Variants in MAP3K20 observed in about 807,000 individuals in gnomAD.
MAP3K20 encodes HCCS-4.
A neutral mutation model predicts 85.7 loss-of-function variants in MAP3K20; 40 were observed. The observed-to-expected ratio is 0.47, with a 90% CI of 0.36 to 0.61. The LOEUF is 0.61. Ranked by LOEUF, MAP3K20 falls within the 20% of genes least tolerant of loss-of-function variation. The pLI, the probability that MAP3K20 is intolerant of heterozygous loss-of-function variation, is 0.00. For missense variants in MAP3K20, 817 were observed against 961.7 expected (o/e 0.85, Z 1.99); for synonymous variants, 325 against 327.7 (o/e 0.99, Z 0.09).
intron 16 of MAP3K20, among the ~76,000 whole-genome samples, chr2:173,253,934 G>A (rs1365046531): frequency 6.6e-6 from 1 of 152,048 alleles, no homozygotes; most frequent in Non-Finnish European, 1.5e-5. Context: ...AGCCGGGCAT[G>A]GTGACACACG....
At chr2:173,092,787 C>T (rs920809437) in intron 2 of MAP3K20, among the ~76,000 whole-genome samples, 2 of 152,120 alleles carry the variant, frequency 1.3e-5, no homozygotes, top group Non-Finnish European at 2.9e-5. Flanking sequence ...TCACTCCACT[C>T]CCCCCTCCCC....
chr2:173,148,045 G>T (rs182753652), intron 2 of MAP3K20, among the ~76,000 whole-genome samples: 52 of 152,150 alleles, frequency 3.4e-4, no homozygotes, highest in Non-Finnish European at 4.9e-4. Context: ...TCCATAAGTG[G>T]CCTCACAGAA....
chr2:173,145,170 C>T (rs1689102440), intron 2 of MAP3K20, among the ~76,000 whole-genome samples: 1 of 151,720 alleles, frequency 6.6e-6, no homozygotes, highest in Admixed American at 6.6e-5. Context: ...CTTTGATAGC[C>T]AGATATTCCT....
At chr2:173,090,715 T>G (rs1420833787) in intron 1 of MAP3K20, 2 of 1,031,808 alleles carry the variant, frequency 1.9e-6, no homozygotes, top group Non-Finnish European at 2.3e-6. Flanking sequence ...CTCCTTGGGA[T>G]GAGTAGGAAG....
chr2:173,210,684 T>C (rs1683861504), intron 10 of MAP3K20: 1 of 152,252 alleles, frequency 6.6e-6, no homozygotes, highest in South Asian at 2.1e-4. Context: ...AAATAGCATG[T>C]TTGGAAGCTG....
In MAP3K20 at chr2:173,217,144, TA is replaced by T; in HGVS notation, c.884del (p.Lys295ArgfsTer3). 6.3e-7 allele frequency: 1 copy of T among 1,589,710 alleles called. No homozygotes were observed. The highest frequency in any genetic ancestry group is 1.2e-5 in the South Asian group (1 of 86,726). On this transcript the variant is annotated frameshift_variant, in exon 11 of 20. Coordinates refer to ENST00000375213, the MANE Select transcript of MAP3K20 (RefSeq NM_016653.3). LOFTEE classifies it high-confidence loss of function. The part of the protein sequence containing the change: ...RCEIEATLER[L>X]KKLERDLSFK... The stretch of plus-strand genomic sequence containing the variant: ...GAAATTGAGGCAACTCTTGAGAGGC[TA>T]AAGAAACTAGAGCGTGATCTCAGCT...
rs745702430 is a variant in MAP3K20 at position 173,232,446 on chromosome 2, T to A, written c.1190T>A (p.Ile397Asn). The stretch of plus-strand genomic sequence containing the variant: ...ATGGGCATTGTCTCCAAGGGGCATA[T>A]CATTCACTTCAAGGTACCTGAGAAA... ...KDMGIVSKGH[I>N]IHFKSAIEKL... Residue 397 changes from isoleucine (I) to asparagine (N), a missense_variant, in exon 14 of 20, where the codon ATC becomes AAC. Ile to Asn is a moderately radical substitution (Grantham distance 149, BLOSUM62 -3). Around this residue, in one of 4 missense-constraint regions of MAP3K20, gnomAD observed 5 missense variants for 20.0 expected, o/e 0.25. Coordinates refer to ENST00000375213, the MANE Select transcript of MAP3K20 (RefSeq NM_016653.3). The A allele has an allele frequency of 8.9e-5, 143 of 1,613,886 alleles. No individual in the cohort carries two copies. Among genetic ancestry groups the A allele is most frequent in the Non-Finnish European group, 1.2e-4 (138 of 1,180,004 alleles).
chr2:173,077,658 T>C (rs559753892), intron 1 of MAP3K20, among the ~76,000 whole-genome samples: 1 of 152,200 alleles, frequency 6.6e-6, no homozygotes, highest in African/African-American at 2.4e-5. Flanking sequence ...TAAAAAAATT[T>C]AGTGATAATA....
At chr2:173,262,158 C>T (rs537904477) in intron 18 of MAP3K20, among the ~76,000 whole-genome samples, 2 of 152,274 alleles carry the variant, frequency 1.3e-5, no homozygotes, top group African/African-American at 4.8e-5. Flanking sequence ...TGTTTTCTGA[C>T]TATAAAAAAC....
chr2:173,200,458 C>T (rs941165965), intron 8 of MAP3K20, among the ~76,000 whole-genome samples: 2 of 152,074 alleles, frequency 1.3e-5, no homozygotes, highest in Admixed American at 6.6e-5. Context: ...AAGAGAAAGT[C>T]GTATTTTTAA....
At chr2:173,212,489 T>C (rs1041858223) in intron 10 of MAP3K20, 7 of 152,004 alleles carry the variant, frequency 4.6e-5, no homozygotes, top group African/African-American at 1.2e-4. Flanking sequence ...AATACCAAGA[T>C]AGGGAGTCTT....
chr2:173,200,697 G>A (rs1691025452), intron 8 of MAP3K20, among the ~76,000 whole-genome samples: 1 of 152,168 alleles, frequency 6.6e-6, no homozygotes, highest in South Asian at 2.1e-4. Context: ...TGGGGAGACT[G>A]AGGTAGGAGG....
intron 2 of MAP3K20, among the ~76,000 whole-genome samples, chr2:173,132,107 C>T (rs1156597410): frequency 3.3e-5 from 5 of 151,814 alleles, no homozygotes; most frequent in Non-Finnish European, 7.4e-5. Context: ...CTTTCTTGTC[C>T]CCATCTCTCC....
Position 173,266,600 on chromosome 2 carries a change from G to A in MAP3K20, c.2253G>A (p.Glu751=). ...NTIPGMPLHP[E]TDSRASEEDS... ...TACCAGGGATGCCTTTGCACCCTGA[G>A]ACTGACTCAAGAGCCAGTGAAGAGG... Residue 751 remains glutamate (E), a synonymous_variant, in exon 20 of 20, where the codon GAG becomes GAA. Transcript: ENST00000375213. 6.2e-7 allele frequency: 1 copy of A among 1,613,936 alleles called. No homozygotes were observed. The highest frequency in any genetic ancestry group is 8.5e-7 in the Non-Finnish European group (1 of 1,179,998).
chr2:173,260,185 G>A (rs1048845053), intron 17 of MAP3K20, among the ~76,000 whole-genome samples: 1 of 152,128 alleles, frequency 6.6e-6, no homozygotes, highest in Admixed American at 6.6e-5. Context: ...TAGACAACAT[G>A]GTGAAACCCC....
At chr2:173,090,042 A>C (rs990652665) in intron 1 of MAP3K20, among the ~76,000 whole-genome samples, 1 of 152,234 alleles carries the variant, frequency 6.6e-6, no homozygotes, top group Non-Finnish European at 1.5e-5. Context: ...ACTTTTTGCA[A>C]GAATAGTATA....
intron 2 of MAP3K20, among the ~76,000 whole-genome samples, chr2:173,091,819 G>C (rs890641997): frequency 6.6e-6 from 1 of 152,138 alleles, no homozygotes. Context: ...AGAGTTCTTA[G>C]AACTGTCATC....
chr2:173,194,607 G>A (rs1034117328), intron 7 of MAP3K20, among the ~76,000 whole-genome samples: 12 of 151,832 alleles, frequency 7.9e-5, no homozygotes, highest in African/African-American at 2.9e-4. Flanking sequence ...AATTTTTTAT[G>A]TCTTTTCAAA....
chr2:173,202,321 A>T (rs1691094240), intron 8 of MAP3K20, among the ~76,000 whole-genome samples: 1 of 152,192 alleles, frequency 6.6e-6, no homozygotes, highest in Non-Finnish European at 1.5e-5. Context: ...TTTTAGGATT[A>T]TCTGTAATTC....
Sources: gnomAD v4.1 joint callset for allele counts (sites outside exome capture counted in the v4.1 genomes callset) on GRCh38, gnomAD v4.1.1 for gene constraint, gnomAD v4.1.1 regional missense constraint, MANE v1.5 for transcripts, NCBI Gene and HGNC (gene_info 2026-07-23, HGNC 2026-07-21) for gene names.